The following CNTLN variants were observed in gnomAD, a reference collection of about 807,000 sequenced individuals.
CNTLN encodes centlein, centrosomal protein.
CNTLN carries 212 observed loss-of-function variants against 180.0 expected under a neutral mutation model. That is an observed-to-expected ratio of 1.18 (90% CI 1.05 to 1.32). The LOEUF (loss-of-function observed/expected upper bound fraction) is 1.32, where lower values mean the gene tolerates loss of function less well. Among genes scored for constraint, CNTLN ranks in the 40% most tolerant of loss-of-function variants. The pLI, the probability that CNTLN is intolerant of heterozygous loss-of-function variation, is 0.00. For missense variants in CNTLN, 2,095 were observed against 1,610.9 expected, an observed-to-expected ratio of 1.30 and a Z score of -5.14; for synonymous variants, 722 against 563.1, an observed-to-expected ratio of 1.28 and a Z score of -3.99.
Position 17,394,856 on chromosome 9 carries a change from C to G in CNTLN, c.2402C>G (p.Ser801Ter). The change falls in exon 15 of 26, where the codon TCA (serine) becomes TGA (stop). Residue 801 changes from serine (S) to a stop codon, truncating the protein, a stop_gained. Coordinates refer to ENST00000380647, the MANE Select transcript of CNTLN (RefSeq NM_017738.4). LOFTEE classifies it high-confidence loss of function. Reference protein sequence around the residue: ...LINPMEKSHQSADRAKSEMAT... With the variant: ...LINPMEKSHQ ...AACCCAATGGAGAAATCACACCAGT[C>G]AGCAGACAGAGCTAAATCCGAGATG... The G allele has an allele frequency of 6.2e-7, 1 of 1,613,958 alleles. No individual in the cohort carries two copies. Among genetic ancestry groups the G allele is most frequent in the Non-Finnish European group, 8.5e-7 (1 of 1,179,950 alleles).
At chr9:17,268,803 C>A (rs569770194) in intron 5 of CNTLN, among the ~76,000 whole-genome samples, 3 of 151,928 alleles carry the variant, frequency 2.0e-5, no homozygotes, top group African/African-American at 7.2e-5. Context: ...GCTGTGCTAG[C>A]AATCAGCGAG....
At chr9:17,215,656 T>A (rs1334992888) in intron 2 of CNTLN, among the ~76,000 whole-genome samples, 1 of 151,902 alleles carries the variant, frequency 6.6e-6, no homozygotes, top group Admixed American at 6.6e-5. Flanking sequence ...AGGGGTGGAG[T>A]CTGTGGAGGC....
chr9:17,453,185 T>A (rs545500680), intron 18 of CNTLN, among the ~76,000 whole-genome samples: 5 of 152,066 alleles, frequency 3.3e-5, no homozygotes, highest in African/African-American at 1.2e-4. Context: ...TGATGGTGCA[T>A]ACCTGTAGTC....
chr9:17,493,572 C>A (rs1360328818), intron 25 of CNTLN, among the ~76,000 whole-genome samples: 1 of 152,106 alleles, frequency 6.6e-6, no homozygotes. Flanking sequence ...CATCCTATGT[C>A]ACCTCATTCT....
At chr9:17,151,068 A>C (rs11979060) in intron 2 of CNTLN, among the ~76,000 whole-genome samples, 1 of 152,104 alleles carries the variant, frequency 6.6e-6, no homozygotes, top group Non-Finnish European at 1.5e-5. Context: ...GGGTTTTCTA[A>C]ATGTACAATC....
At chr9:17,418,863 CATATGTAAT>C (rs1828475776) in intron 18 of CNTLN, among the ~76,000 whole-genome samples, 1 of 151,980 alleles carries the variant, frequency 6.6e-6, no homozygotes, top group Admixed American at 6.6e-5. Context: ...TCAACTTTTT[CATATGTAAT>C]TAAAGTACCA....
chr9:17,348,290 T>G (rs1306549692), intron 12 of CNTLN, among the ~76,000 whole-genome samples: 1 of 152,160 alleles, frequency 6.6e-6, no homozygotes, highest in African/African-American at 2.4e-5. Flanking sequence ...AAATCAGTGA[T>G]TATGTGTATT....
chr9:17,411,130 C>T (rs1412328281), intron 16 of CNTLN, among the ~76,000 whole-genome samples: 1 of 152,070 alleles, frequency 6.6e-6, no homozygotes, highest in African/African-American at 2.4e-5. Context: ...AGCTAGGTAC[C>T]TCAGCACTCA....
chr9:17,145,942 AT>A (rs1166377440), intron 2 of CNTLN, among the ~76,000 whole-genome samples: 1 of 151,980 alleles, frequency 6.6e-6, no homozygotes, highest in Non-Finnish European at 1.5e-5. Flanking sequence ...ATGTCCATGT[AT>A]TTTTGCCTTG....
chr9:17,253,431 A>G (rs187497805), intron 5 of CNTLN, among the ~76,000 whole-genome samples: 6 of 151,522 alleles, frequency 4.0e-5, no homozygotes, highest in East Asian at 1.9e-4. Flanking sequence ...GTCCTCTTCA[A>G]TTTCTTTCAT....
At chr9:17,370,277 A>G (rs933528987) in intron 13 of CNTLN, among the ~76,000 whole-genome samples, 4 of 152,234 alleles carry the variant, frequency 2.6e-5, no homozygotes, top group Middle Eastern at 3.2e-3. Flanking sequence ...CCCAAGGGTC[A>G]AGGATAAAGA....
At chr9:17,391,198 C>T (rs1360867503) in intron 14 of CNTLN, among the ~76,000 whole-genome samples, 1 of 152,092 alleles carries the variant, frequency 6.6e-6, no homozygotes, top group Non-Finnish European at 1.5e-5. Context: ...CCAAGCAAGG[C>T]CTGTCTGCTC....
At chr9:17,210,253 C>T (rs111228590) in intron 2 of CNTLN, among the ~76,000 whole-genome samples, 54 of 152,238 alleles carry the variant, frequency 3.5e-4, no homozygotes, top group Non-Finnish European at 4.7e-4. Context: ...GTAATGTTGC[C>T]GTTCCTGTGT....
chr9:17,325,329 C>T (rs567139587), intron 8 of CNTLN, among the ~76,000 whole-genome samples: 3 of 150,850 alleles, frequency 2.0e-5, no homozygotes, highest in Non-Finnish European at 3.0e-5. Flanking sequence ...AAGTTAATCT[C>T]TGAATATGGG....
chr9:17,394,507 C>T (rs541509008), intron 14 of CNTLN, 27 bp from the exon 15 acceptor site: 2 of 1,421,038 alleles, frequency 1.4e-6, no homozygotes, highest in African/African-American at 1.4e-5. Context: ...TTTTTGGATT[C>T]TTAAAAGAAT....
chr9:17,156,548 A>G (rs1819303794), intron 2 of CNTLN, among the ~76,000 whole-genome samples: 1 of 151,676 alleles, frequency 6.6e-6, no homozygotes, highest in African/African-American at 2.4e-5. Context: ...AAATTGGGTT[A>G]TTTATTCTGT....
At chr9:17,294,327 A>G (rs1266469371) in intron 6 of CNTLN, among the ~76,000 whole-genome samples, 2 of 151,982 alleles carry the variant, frequency 1.3e-5, no homozygotes, top group Non-Finnish European at 2.9e-5. Context: ...TCCATTTTAC[A>G]GAGAGCCGAT....
chr9:17,435,667 A>T (rs1011443056), intron 18 of CNTLN, among the ~76,000 whole-genome samples: 7 of 151,226 alleles, frequency 4.6e-5, no homozygotes, highest in Admixed American at 1.3e-4. Flanking sequence ...GATTCAAGAG[A>T]TTCTCCTGCT....
chr9:17,455,056 T>C lies in CNTLN; in HGVS notation c.3115-2468T>C, dbSNP rs146302224. ...AAAGTTGTCTCACAGCCTAGAGCAC[T>C]TGTAAGCAAAAGAAAGTTATTTATA... On this transcript the variant is annotated intron_variant, in intron 18 of 25. Transcript: ENST00000380647. 7.3e-3 allele frequency among the ~76,000 whole-genome samples: 1,107 copies of C among 152,328 alleles called. 12 individuals are homozygous for C. The highest frequency in any genetic ancestry group is 0.025 in the African/African-American group (1,023 of 41,578).
Sources: allele counts gnomAD v4.1 joint callset (sites outside exome capture counted in the v4.1 genomes callset), GRCh38; gene constraint gnomAD v4.1.1; transcripts MANE v1.5; gene names NCBI Gene and HGNC (gene_info 2026-07-23, HGNC 2026-07-21).